HIPK3: variants seen among roughly 807,000 people sequenced by gnomAD.
HIPK3 encodes the protein homeodomain interacting protein kinase 3.
A neutral mutation model predicts 124.2 loss-of-function variants in HIPK3; 47 were observed. The ratio of observed to expected loss-of-function variants is 0.38; its 90% CI spans 0.30 to 0.48. The LOEUF is 0.48. HIPK3 is among the 20% of genes least tolerant of loss of function. The probability of loss-of-function intolerance (pLI) is 0.98; values close to 1 mark genes in which losing one functional copy is unlikely to be tolerated. For synonymous variants in HIPK3, 482 were observed against 515.2 expected (o/e 0.94, Z 0.87); for missense variants, 1,286 against 1,454.3 (o/e 0.88, Z 1.88).
chr11:33,258,939 C>A (rs188541991), intron 1 of HIPK3, among the ~76,000 whole-genome samples: 16 of 150,472 alleles, frequency 1.1e-4, no homozygotes, highest in African/African-American at 3.6e-4. Context: ...GTTTATCGTC[C>A]AGTTTAGAGG....
In HIPK3 at chr11:33,348,426, G is replaced by A. The variant is rs571118052; in HGVS notation, c.2370-96G>A. 4 of 1,120,934 alleles carry A rather than the reference G, an allele frequency of 3.6e-6. No homozygotes were observed. In the East Asian group the frequency reaches 7.8e-5, roughly 22 times the overall value. The allele number at this position is 1,120,934 out of a possible 1,614,324, so 69.4% of individuals were successfully genotyped here. A position where few individuals can be genotyped will look rare whatever the true frequency, so the allele number is the denominator to read the frequency against. On this transcript the variant is annotated intron_variant, in intron 12 of 16. Coordinates refer to ENST00000303296, the MANE Select transcript of HIPK3 (RefSeq NM_005734.5). Reference sequence around the variant, plus strand: ...GTGTTATATTCATGAACTCGAACAAGTGAAGGTTCTCATTTTCTGGTTTAA... The same window carrying A: ...GTGTTATATTCATGAACTCGAACAAATGAAGGTTCTCATTTTCTGGTTTAA...
chr11:33,294,280 T>C (rs968503441), intron 2 of HIPK3, among the ~76,000 whole-genome samples: 1 of 92,520 alleles, frequency 1.1e-5, no homozygotes, highest in African/African-American at 4.3e-5. Flanking sequence ...AATAAGTAAA[T>C]TTAGGCATAC....
At chr11:33,334,185 T>TA (rs1249812030) in intron 3 of HIPK3, among the ~76,000 whole-genome samples, 2 of 152,226 alleles carry the variant, frequency 1.3e-5, no homozygotes, top group Admixed American at 1.3e-4. Context: ...AACAGACATG[T>TA]AAAAAATTGT....
At chr11:33,310,197 C>T (rs1852280202) in intron 2 of HIPK3, among the ~76,000 whole-genome samples, 1 of 152,104 alleles carries the variant, frequency 6.6e-6, no homozygotes, top group Admixed American at 6.6e-5. Flanking sequence ...ATGGTAGCCA[C>T]TAATCACTGT....
chr11:33,333,669 C>A (rs1440445879), intron 3 of HIPK3, among the ~76,000 whole-genome samples: 2 of 152,138 alleles, frequency 1.3e-5, no homozygotes, highest in Non-Finnish European at 2.9e-5. Context: ...TTTTCACTGG[C>A]CACTTTTGTT....
intron 1 of HIPK3, among the ~76,000 whole-genome samples, chr11:33,286,140 GT>G (rs1245687660): frequency 6.6e-6 from 1 of 152,092 alleles, no homozygotes; most frequent in Non-Finnish European, 1.5e-5. Flanking sequence ...TATTTGTTAA[GT>G]AATTAAATGC....
chr11:33,265,851 C>T (rs1490892334), intron 1 of HIPK3, among the ~76,000 whole-genome samples: 2 of 149,696 alleles, frequency 1.3e-5, no homozygotes, highest in Admixed American at 6.7e-5. Flanking sequence ...TTGGGGAGGC[C>T]GAGGCGGGTG....
chr11:33,318,292 C>A (rs1332271176), intron 2 of HIPK3, among the ~76,000 whole-genome samples: 1 of 151,928 alleles, frequency 6.6e-6, no homozygotes, highest in Non-Finnish European at 1.5e-5. Context: ...GTTTCGGACT[C>A]CTGACCTCAA....
intron 1 of HIPK3, among the ~76,000 whole-genome samples, chr11:33,260,425 A>G (rs898384296): frequency 3.3e-5 from 5 of 152,260 alleles, no homozygotes; most frequent in East Asian, 1.9e-4. Flanking sequence ...GAATGCCGCA[A>G]TATTATTTTT....
intron 1 of HIPK3, among the ~76,000 whole-genome samples, chr11:33,258,954 G>A (rs1565048838): frequency 6.6e-6 from 1 of 151,642 alleles, no homozygotes; most frequent in Non-Finnish European, 1.5e-5. Flanking sequence ...TAGAGGGAAA[G>A]CGCATGGTTG....
Position 33,283,673 on chromosome 11 carries a change from C to CT in HIPK3, c.-2-2727dup, listed in dbSNP as rs112335178. On this transcript the variant is annotated intron_variant, in intron 1 of 16. Coordinates refer to ENST00000303296, the MANE Select transcript of HIPK3 (RefSeq NM_005734.5). The stretch of plus-strand genomic sequence containing the variant: ...CCTAGTCTTGGTAAACTTCAGTTTT[C>CT]TTTTTTTTTTTTTCTTTTGGAGACG... 3.5e-3 allele frequency among the ~76,000 whole-genome samples: 506 copies of CT among 143,886 alleles called. 1 individual carries two copies. Among genetic ancestry groups the CT allele is most frequent in the African/African-American group, 7.9e-3 (311 of 39,498 alleles). 94.4% of individuals were successfully genotyped at this position (143,886 alleles called of 152,430 possible).
chr11:33,327,292 G>C (rs1852838903), intron 2 of HIPK3, among the ~76,000 whole-genome samples: 1 of 152,094 alleles, frequency 6.6e-6, no homozygotes, highest in Non-Finnish European at 1.5e-5. Flanking sequence ...TCACTTCTGT[G>C]ATGTTCCTCT....
At chr11:33,258,325 T>G (rs1457014744) in intron 1 of HIPK3, 1 of 985,330 alleles carries the variant, frequency 1.0e-6, no homozygotes, top group African/African-American at 1.7e-5. Flanking sequence ...CGGAGATCCC[T>G]TTCCTTTCAT....
At position 33,287,488 on chromosome 11, in the gene HIPK3, A is replaced by G; in HGVS notation, c.1074A>G (p.Thr358=). 1 of 1,611,798 alleles carries G rather than the reference A, an allele frequency of 6.2e-7. No homozygotes were observed. The highest frequency in any genetic ancestry group is 8.5e-7 in the Non-Finnish European group (1 of 1,178,442). The change falls in exon 2 of 17, where the codon ACA becomes ACG. Residue 358 remains threonine, a synonymous_variant. Transcript: ENST00000303296. ...ASHVSKTVCS[T]YLQSRYYRAP... is the part of the protein sequence containing the mutation. ...ATGTATCAAAGACTGTTTGTTCAAC[A>G]TATCTACAATCTCGGTACTACAGGT...
intron 2 of HIPK3, among the ~76,000 whole-genome samples, chr11:33,312,913 A>G (rs954462890): frequency 1.3e-5 from 2 of 152,352 alleles, no homozygotes; most frequent in South Asian, 2.1e-4. Context: ...CAATTCACAT[A>G]AGGCATTGAG....
At chr11:33,294,442 C>A (rs1851786781) in intron 2 of HIPK3, among the ~76,000 whole-genome samples, 1 of 152,112 alleles carries the variant, frequency 6.6e-6, no homozygotes, top group Non-Finnish European at 1.5e-5. Flanking sequence ...ACCCACCTAC[C>A]TTTTCCTACA....
chr11:33,285,849 G>A (rs1363087179), intron 1 of HIPK3, among the ~76,000 whole-genome samples: 2 of 151,880 alleles, frequency 1.3e-5, no homozygotes, highest in African/African-American at 2.4e-5. Flanking sequence ...TCGGCTCACT[G>A]CAACCTCCAC....
At chr11:33,321,958 G>C (rs796416915) in intron 2 of HIPK3, among the ~76,000 whole-genome samples, 66 of 152,178 alleles carry the variant, frequency 4.3e-4, no homozygotes, top group African/African-American at 1.4e-3. Flanking sequence ...TCCAGTGTTT[G>C]TCTTCCCAGA....
At chr11:33,271,386 T>TGAGA (rs1404377816) in intron 1 of HIPK3, among the ~76,000 whole-genome samples, 1 of 152,064 alleles carries the variant, frequency 6.6e-6, no homozygotes, top group Non-Finnish European at 1.5e-5. Flanking sequence ...CCAGCCATGG[T>TGAGA]GAGACCTCAT....
Sources: gnomAD v4.1 joint callset for allele counts (sites outside exome capture counted in the v4.1 genomes callset) on GRCh38, gnomAD v4.1.1 for gene constraint, MANE v1.5 for transcripts, NCBI Gene and HGNC (gene_info 2026-07-23, HGNC 2026-07-21) for gene names.